The following MAPK10 variants were observed in gnomAD, a reference collection of about 807,000 sequenced individuals.
The protein encoded by MAPK10 is JNK3 alpha protein kinase.
Under a neutral mutation model 59.3 loss-of-function variants are expected in MAPK10, and 25 were observed. The observed-to-expected ratio is 0.42, with a 90% CI of 0.31 to 0.59. MAPK10 has a LOEUF of 0.59. Among genes scored for constraint, MAPK10 ranks in the 20% least tolerant of loss-of-function variants. The pLI, the probability that MAPK10 is intolerant of heterozygous loss-of-function variation, is 0.15. For synonymous variants in MAPK10, 190 were observed against 200.5 expected, an observed-to-expected ratio of 0.95 and a Z score of 0.44; for missense variants, 351 against 568.9, an observed-to-expected ratio of 0.62 and a Z score of 3.90.
At chr4:86,546,317 A>G (rs1234000451) in intron 1 of MAPK10, among the ~76,000 whole-genome samples, 2 of 151,832 alleles carry the variant, frequency 1.3e-5, no homozygotes, top group Non-Finnish European at 2.9e-5. Flanking sequence ...GGAGGCTGAG[A>G]CGGGCAGATC....
rs150397867 is a variant in MAPK10, at chr4:86,197,946, A to C, written c.-6-3539T>G. On this transcript the variant is annotated intron_variant, in intron 2 of 13. Coordinates refer to ENST00000641462, the MANE Select transcript of MAPK10 (RefSeq NM_138982.4). ...AATACAGAGCCCAGAACAGACACAG[A>C]CATACATGGGAACCTGATTATGTCA... is the stretch of plus-strand genomic sequence containing the variant. Among the ~76,000 whole-genome samples, 482 of 152,294 alleles carry C rather than the reference A, an allele frequency of 3.2e-3. 2 individuals carry two copies. The highest frequency in any genetic ancestry group is 0.011 in the African/African-American group (468 of 41,572).
At chr4:86,085,686 G>C (rs1184907598) in intron 9 of MAPK10, among the ~76,000 whole-genome samples, 3 of 152,100 alleles carry the variant, frequency 2.0e-5, no homozygotes, top group Non-Finnish European at 4.4e-5. Flanking sequence ...CAGTTCTGTG[G>C]TTCCTCAAAA....
chr4:86,098,615 G>T lies in MAPK10; in HGVS notation c.731-20C>A. On this transcript the variant is annotated intron_variant, in intron 8 of 13. Coordinates refer to ENST00000641462, the MANE Select transcript of MAPK10 (RefSeq NM_138982.4). ...TATCCACTAGAACAGGAGAGAGAGG[G>T]TAGTGAAGAAAAGGGAGGAAAGTAA... The T allele has an allele frequency of 6.3e-7, 1 of 1,577,346 alleles. No individual in the cohort carries two copies. The highest frequency in any genetic ancestry group is 8.7e-7 in the Non-Finnish European group (1 of 1,147,348).
intron 2 of MAPK10, among the ~76,000 whole-genome samples, chr4:86,239,127 C>CCAAAGACAAAAACCACA (rs1189864692): frequency 9.2e-5 from 14 of 152,250 alleles, no homozygotes; most frequent in South Asian, 2.1e-4. Flanking sequence ...GTCTTTGGTT[C>CCAAAGACAAAAACCACA]TGTTTATGTG....
intron 2 of MAPK10, among the ~76,000 whole-genome samples, chr4:86,202,345 C>T (rs923107626): frequency 2.0e-5 from 3 of 151,806 alleles, no homozygotes; most frequent in Non-Finnish European, 4.4e-5. Context: ...TTATGAATAT[C>T]GTATAGTATT....
At chr4:86,044,561 T>A (rs568099627) in intron 11 of MAPK10, 46 of 392,476 alleles carry the variant, frequency 1.2e-4, no homozygotes, top group African/African-American at 9.1e-4. Context: ...CAATCTTTAA[T>A]GGCATCTAGT....
At chr4:86,472,808 T>C in intron 1 of MAPK10, among the ~76,000 whole-genome samples, 1 of 152,182 alleles carries the variant, frequency 6.6e-6, no homozygotes, top group East Asian at 1.9e-4. Context: ...GGAAATATTC[T>C]CTCCACAGGG....
intron 2 of MAPK10, among the ~76,000 whole-genome samples, chr4:86,230,996 T>A (rs2091453292): frequency 6.6e-6 from 1 of 152,208 alleles, no homozygotes. Context: ...GAATATCTAA[T>A]TTTAGGTCCA....
intron 4 of MAPK10, among the ~76,000 whole-genome samples, chr4:86,130,072 A>T (rs759656187): frequency 3.9e-5 from 6 of 152,278 alleles, no homozygotes; most frequent in South Asian, 4.1e-4. Context: ...GGATTACAAA[A>T]ATAATATCTC....
chr4:86,303,531 C>G lies in MAPK10; in HGVS notation c.-7+50999G>C, dbSNP rs1385955150. The stretch of plus-strand genomic sequence containing the variant: ...TAGATAGATAACAATTTGATAAACA[C>G]AGTAGCGAAAGTAGACTAAAAGTAC... On this transcript the variant is annotated intron_variant, in intron 2 of 13. Coordinates refer to ENST00000641462, the MANE Select transcript of MAPK10 (RefSeq NM_138982.4). Among the ~76,000 whole-genome samples the G allele has an allele frequency of 2.6e-5, 4 of 152,218 alleles. No individual in the cohort carries two copies. In the East Asian group the frequency reaches 7.7e-4, roughly 29 times the overall value.
chr4:86,507,727 C>T (rs1437514232), intron 1 of MAPK10, among the ~76,000 whole-genome samples: 1 of 135,646 alleles, frequency 7.4e-6, no homozygotes, highest in African/African-American at 2.8e-5. Context: ...CAATGGCATA[C>T]AGTGGTATAG....
At position 86,429,322 on chromosome 4, in the gene MAPK10, T is replaced by TTA. The variant is rs200499558; in HGVS notation, c.-122+23706_-122+23707dup. Among the ~76,000 whole-genome samples, 919 of 152,300 alleles carry TTA rather than the reference T, an allele frequency of 6.0e-3. 7 individuals carry two copies. Among genetic ancestry groups the TTA allele is most frequent in the African/African-American group, 0.02 (821 of 41,568 alleles). ...TAATTCTTATCTGCCTTGCAGAATT[T>TTA]TATAAGGATTAATTACTTAATTTTG... On this transcript the variant is annotated intron_variant, in intron 1 of 13. Transcript: ENST00000361569.
At chr4:86,039,852 T>C (rs1218098955) in intron 11 of MAPK10, among the ~76,000 whole-genome samples, 1 of 152,152 alleles carries the variant, frequency 6.6e-6, no homozygotes, top group East Asian at 1.9e-4. Flanking sequence ...AGGTCCACAC[T>C]TGTGGATCTA....
intron 3 of MAPK10, among the ~76,000 whole-genome samples, chr4:86,174,419 A>G (rs745895457): frequency 1.3e-5 from 2 of 152,172 alleles, no homozygotes; most frequent in East Asian, 1.9e-4. Context: ...CTGAAAAATG[A>G]GAGCACATGG....
At chr4:86,471,787 C>T (rs1752682190) in intron 1 of MAPK10, among the ~76,000 whole-genome samples, 1 of 150,456 alleles carries the variant, frequency 6.6e-6, no homozygotes. Flanking sequence ...CCTTTTTTTT[C>T]AACAAAGAGA....
At chr4:86,515,576 C>T (rs1221891794) in intron 1 of MAPK10, among the ~76,000 whole-genome samples, 2 of 152,082 alleles carry the variant, frequency 1.3e-5, no homozygotes, top group Non-Finnish European at 2.9e-5. Context: ...TTGCATTTCC[C>T]TGATTATTAG....
intron 1 of MAPK10, among the ~76,000 whole-genome samples, chr4:86,436,604 C>G (rs1252540743): frequency 6.6e-6 from 1 of 151,998 alleles, no homozygotes; most frequent in Non-Finnish European, 1.5e-5. Context: ...TATATACTGA[C>G]TTTGTACCCA....
chr4:86,043,024 G>C (rs145871236), intron 11 of MAPK10, among the ~76,000 whole-genome samples: 1 of 152,158 alleles, frequency 6.6e-6, no homozygotes, highest in East Asian at 1.9e-4. Flanking sequence ...GGTGTAGAGA[G>C]GAGATATGGC....
rs116026590 is a variant in MAPK10 at position 86,222,726 on chromosome 4, G to A, written c.-6-28319C>T. Among the ~76,000 whole-genome samples, 844 of 152,328 alleles carry A rather than the reference G, an allele frequency of 5.5e-3. 9 individuals are homozygous for A. Among genetic ancestry groups the A allele is most frequent in the African/African-American group, 0.02 (811 of 41,568 alleles). ...TCCTACTGAAGTGGAAGTCCATTTT[G>A]TTCTTGACTGGTCCTCCAGGCCTCC... On this transcript the variant is annotated intron_variant, in intron 2 of 13. Coordinates refer to ENST00000641462, the MANE Select transcript of MAPK10 (RefSeq NM_138982.4).
Sources: allele counts gnomAD v4.1 joint callset (sites outside exome capture counted in the v4.1 genomes callset), GRCh38; gene constraint gnomAD v4.1.1; transcripts MANE v1.5; gene names NCBI Gene and HGNC (gene_info 2026-07-23, HGNC 2026-07-21).